Variants in SRPK2 observed in about 807,000 individuals in gnomAD.
SRPK2 encodes the protein SFRS protein kinase 2.
In SRPK2, 21 loss-of-function variants were observed where a neutral mutation model predicts 90.8. The ratio of observed to expected loss-of-function variants is 0.23; its 90% CI spans 0.16 to 0.33. The LOEUF is 0.33. Among genes scored for constraint, SRPK2 ranks in the 10% least tolerant of loss-of-function variants. SRPK2 has a pLI of 1.00. For synonymous variants in SRPK2, 288 were observed against 311.1 expected, an observed-to-expected ratio of 0.93 and a Z score of 0.78; for missense variants, 620 against 869.0, an observed-to-expected ratio of 0.71 and a Z score of 3.60.
chr7:105,193,656 C>T (rs1794577836), intron 3 of SRPK2, among the ~76,000 whole-genome samples: 1 of 152,144 alleles, frequency 6.6e-6, no homozygotes, highest in Non-Finnish European at 1.5e-5. Flanking sequence ...TGATTCTACC[C>T]ACCTATGAGC....
At chr7:105,334,973 A>C (rs1476399642) in intron 2 of SRPK2, among the ~76,000 whole-genome samples, 2 of 150,864 alleles carry the variant, frequency 1.3e-5, no homozygotes, top group African/African-American at 4.9e-5. Flanking sequence ...GTTCGATATC[A>C]GTCTGGCCAA....
intron 2 of SRPK2, among the ~76,000 whole-genome samples, chr7:105,262,190 C>T (rs1804387982): frequency 6.6e-6 from 1 of 152,180 alleles, no homozygotes; most frequent in South Asian, 2.1e-4. Flanking sequence ...GTAGAAACTA[C>T]TACATCTAGA....
intron 2 of SRPK2, among the ~76,000 whole-genome samples, chr7:105,347,638 G>C (rs1563267948): frequency 6.6e-6 from 1 of 151,948 alleles, no homozygotes; most frequent in Non-Finnish European, 1.5e-5. Context: ...AGGATCGCTT[G>C]AGTCCAGGAG....
upstream of SRPK2, chr7:105,389,147 C>T (rs991902276): frequency 9.9e-7 from 1 of 1,012,760 alleles, no homozygotes; most frequent in Non-Finnish European, 1.2e-6. Context: ...CGGGCCTCCG[C>T]CTCCTGCGAT....
intron 2 of SRPK2, among the ~76,000 whole-genome samples, chr7:105,280,454 ATTAT>A (rs986389914): frequency 3.3e-5 from 5 of 151,804 alleles, no homozygotes; most frequent in African/African-American, 7.2e-5. Context: ...TTAAGATGTT[ATTAT>A]TTATTTTATT....
chr7:105,283,238 A>G (rs995802129), intron 2 of SRPK2, among the ~76,000 whole-genome samples: 1 of 152,232 alleles, frequency 6.6e-6, no homozygotes, highest in African/African-American at 2.4e-5. Context: ...GGCAATTCTT[A>G]CAAGAGTTAC....
intron 2 of SRPK2, chr7:105,298,916 C>G (rs1193158078): frequency 2.7e-6 from 1 of 374,152 alleles, no homozygotes; most frequent in African/African-American, 2.2e-5. Flanking sequence ...AGTTAGCACA[C>G]AGTGAACCCA....
chr7:105,217,608 C>T (rs1797624570), intron 2 of SRPK2, among the ~76,000 whole-genome samples: 1 of 152,230 alleles, frequency 6.6e-6, no homozygotes, highest in Non-Finnish European at 1.5e-5. Flanking sequence ...TTTTCTCCTT[C>T]CCTTGTGTCA....
chr7:105,394,282 A>G (rs994591584), upstream of SRPK2, among the ~76,000 whole-genome samples: 3 of 152,034 alleles, frequency 2.0e-5, no homozygotes, highest in African/African-American at 7.2e-5. Context: ...AGCTGGGACT[A>G]CAGGTGCACA....
At chr7:105,271,425 G>A (rs1414789557) in intron 2 of SRPK2, among the ~76,000 whole-genome samples, 3 of 152,016 alleles carry the variant, frequency 2.0e-5, no homozygotes, top group Non-Finnish European at 4.4e-5. Flanking sequence ...TTTGTTCATC[G>A]CTCCAGAAGG....
chr7:105,115,832 T>C (rs760296167), downstream of SRPK2, among the ~76,000 whole-genome samples: 7 of 152,148 alleles, frequency 4.6e-5, no homozygotes, highest in Non-Finnish European at 2.9e-5. Flanking sequence ...CTTTTACACT[T>C]AGGGAAGATA....
intron 11 of SRPK2, among the ~76,000 whole-genome samples, chr7:105,139,967 A>G (rs1034794843): frequency 2.6e-5 from 4 of 152,170 alleles, no homozygotes; most frequent in African/African-American, 9.7e-5. Flanking sequence ...ACAGATGCTC[A>G]AGTCTCTGAT....
chr7:105,253,213 A>T (rs1395077511), intron 2 of SRPK2, among the ~76,000 whole-genome samples: 1 of 152,050 alleles, frequency 6.6e-6, no homozygotes, highest in East Asian at 1.9e-4. Context: ...GAATTCATCC[A>T]CTCTCTGTCA....
chr7:105,181,881 T>TAAAAAA (rs755821029), intron 3 of SRPK2, among the ~76,000 whole-genome samples: 96 of 84,644 alleles, frequency 1.1e-3, no homozygotes, highest in Middle Eastern at 8.8e-3. Flanking sequence ...AAGATAAAAG[T>TAAAAAA]AAAAAAAAAA....
chr7:105,314,630 C>T (rs1452715166), intron 2 of SRPK2, among the ~76,000 whole-genome samples: 5 of 152,140 alleles, frequency 3.3e-5, no homozygotes, highest in Non-Finnish European at 7.3e-5. Context: ...GCGATCTGCC[C>T]GCCTTAGCCT....
chr7:105,392,370 C>G (rs891384612), upstream of SRPK2, among the ~76,000 whole-genome samples: 8 of 152,192 alleles, frequency 5.3e-5, no homozygotes, highest in Non-Finnish European at 1.2e-4. Context: ...CACTTCAAAA[C>G]AAAACAACAA....
intron 15 of SRPK2, chr7:105,125,779 T>TAC: frequency 8.0e-7 from 1 of 1,256,260 alleles, no homozygotes; most frequent in Non-Finnish European, 1.0e-6. Flanking sequence ...TAAATACCGT[T>TAC]ACCTTTTCTG....
chr7:105,341,065 G>GA (rs576539510), intron 2 of SRPK2, among the ~76,000 whole-genome samples: 19 of 151,832 alleles, frequency 1.3e-4, no homozygotes, highest in East Asian at 3.9e-4. Flanking sequence ...GATATGGCCA[G>GA]AAAAAAAAGA....
chr7:105,187,484 C>G (rs1367472107), intron 3 of SRPK2, among the ~76,000 whole-genome samples: 2 of 152,244 alleles, frequency 1.3e-5, no homozygotes, highest in Admixed American at 1.3e-4. Context: ...TGACTCATCA[C>G]TGGCCCCACA....
Sources: allele counts gnomAD v4.1 joint callset (sites outside exome capture counted in the v4.1 genomes callset), GRCh38; gene constraint gnomAD v4.1.1; transcripts MANE v1.5; gene names NCBI Gene and HGNC (gene_info 2026-07-23, HGNC 2026-07-21).